The following ANO6 variants were observed in gnomAD, a reference collection of about 807,000 sequenced individuals.
ANO6 encodes the protein anoctamin-6.
In ANO6, 106 loss-of-function variants were observed where a neutral mutation model predicts 117.5. The observed-to-expected ratio is 0.90, with a 90% CI of 0.77 to 1.06. The LOEUF (loss-of-function observed/expected upper bound fraction) is 1.06. Among genes scored for constraint, ANO6 ranks in the 50% least tolerant of loss-of-function variants. The pLI is 0.00. For synonymous variants in ANO6, 367 were observed against 385.1 expected (o/e 0.95, Z 0.55); for missense variants, 955 against 1,121.1 (o/e 0.85, Z 2.12).
intron 2 of ANO6, among the ~76,000 whole-genome samples, chr12:45,314,174 A>G (rs886768129): frequency 7.2e-5 from 11 of 152,054 alleles, no homozygotes; most frequent in African/African-American, 2.7e-4. Context: ...CTGGCTGTGC[A>G]TCAGAATTAC....
chr12:45,396,952 C>CTT (rs1398588709), intron 12 of ANO6, among the ~76,000 whole-genome samples: 1 of 151,256 alleles, frequency 6.6e-6, no homozygotes, highest in African/African-American at 2.4e-5. Context: ...AAAGCAATAG[C>CTT]AACACCAAAA....
At chr12:45,230,252 G>A (rs1237307033) in intron 1 of ANO6, among the ~76,000 whole-genome samples, 1 of 151,918 alleles carries the variant, frequency 6.6e-6, no homozygotes, top group East Asian at 1.9e-4. Flanking sequence ...TTAAATCTAT[G>A]GGTAAATGAA....
intron 8 of ANO6, among the ~76,000 whole-genome samples, chr12:45,358,741 T>C (rs1303017100): frequency 6.6e-6 from 1 of 152,166 alleles, no homozygotes; most frequent in Admixed American, 6.5e-5. Flanking sequence ...TCAGTTACTT[T>C]TATAGTTTCT....
intron 9 of ANO6, among the ~76,000 whole-genome samples, chr12:45,374,847 T>C (rs1941957893): frequency 6.6e-6 from 1 of 152,212 alleles, no homozygotes; most frequent in Admixed American, 6.5e-5. Context: ...TTGGAAGTTC[T>C]GGCCAGGGCA....
At chr12:45,424,337 T>TG (rs1565773252) in intron 19 of ANO6, among the ~76,000 whole-genome samples, 4 of 123,034 alleles carry the variant, frequency 3.3e-5, no homozygotes, top group Admixed American at 8.0e-5. Flanking sequence ...GTTTTTTTTT[T>TG]TTTTTTTTTT....
intron 10 of ANO6, among the ~76,000 whole-genome samples, chr12:45,380,433 GGAACCA>G (rs1942139447): frequency 6.6e-6 from 1 of 152,164 alleles, no homozygotes; most frequent in Admixed American, 6.5e-5. Flanking sequence ...AAGGATCTGG[GGAACCA>G]GGAAGCCTAA....
rs142086291 is a variant in ANO6, at chr12:45,362,683, GTTTC to G, written c.999-5001_999-4998del. On this transcript the variant is annotated intron_variant, in intron 8 of 19. Coordinates refer to ENST00000320560, the MANE Select transcript of ANO6 (RefSeq NM_001025356.3). ...AGTATGCCATTTTAATTCCATTATT[GTTTC>G]TTTATCTTTTTTTAGTGGCTTCCCT... 1.5e-3 allele frequency among the ~76,000 whole-genome samples: 234 copies of G among 151,286 alleles called. 1 individual carries two copies. Among genetic ancestry groups the G allele is most frequent in the African/African-American group, 5.5e-3 (225 of 41,220 alleles).
chr12:45,256,707 A>C (rs1357866062), intron 1 of ANO6: 6 of 152,190 alleles, frequency 3.9e-5, no homozygotes, highest in African/African-American at 1.4e-4. Context: ...TGAACCTTTC[A>C]TTCCTCTTTT....
intron 1 of ANO6, among the ~76,000 whole-genome samples, chr12:45,230,753 G>GTGACCT (rs1947562263): frequency 6.6e-6 from 1 of 152,102 alleles, no homozygotes; most frequent in African/African-American, 2.4e-5. Flanking sequence ...AAAGTGTCTT[G>GTGACCT]TATTAAGGTC....
At position 45,315,562 on chromosome 12, in the gene ANO6, CA is replaced by C. The variant is rs553066075; in HGVS notation, c.150+13470del. 3.6e-4 allele frequency among the ~76,000 whole-genome samples: 55 copies of C among 152,130 alleles called. No homozygotes were observed. In the South Asian group the frequency reaches 0.011, roughly 31 times the overall value. On this transcript the variant is annotated intron_variant, in intron 2 of 19. Transcript: ENST00000320560. ...CGTTAGATTCCTCAGAGCTGAGCCC[CA>C]CTCATCTTTTCTCACTTACTCACTC...
intron 9 of ANO6, among the ~76,000 whole-genome samples, chr12:45,375,174 A>G (rs1237078234): frequency 6.6e-6 from 1 of 152,204 alleles, no homozygotes; most frequent in Non-Finnish European, 1.5e-5. Flanking sequence ...TTCAGGAAGA[A>G]CTACAAACCA....
At position 45,427,326 on chromosome 12, in the gene ANO6, G is replaced by T. The variant is rs138936496; in HGVS notation, c.2527-1779G>T. On this transcript the variant is annotated intron_variant, in intron 19 of 19. Transcript: ENST00000320560. Reference sequence around the variant, plus strand: ...GCCTCATGGATCCAGCCACGCCCCAGTGCCCCTCAGACATCACTTCTCTTC... The same window carrying T: ...GCCTCATGGATCCAGCCACGCCCCATTGCCCCTCAGACATCACTTCTCTTC... Among the ~76,000 whole-genome samples the T allele has an allele frequency of 8.5e-5, 13 of 152,180 alleles. No homozygotes were observed. The East Asian group carries it at 2.5e-3, about 30-fold the overall frequency.
In ANO6 at chr12:45,357,471, CATAAA is replaced by C. The variant is rs746806832; in HGVS notation, c.998+50_998+54del. On this transcript the variant is annotated intron_variant, in intron 8 of 19. Coordinates refer to ENST00000320560, the MANE Select transcript of ANO6 (RefSeq NM_001025356.3). ...TTGCCATGCTGAAAAGTTTATTAGACATAAAATTATTTTCATGGTCTTAAACTGTT... is the reference window on the plus strand; with the variant it reads ...TTGCCATGCTGAAAAGTTTATTAGACATTATTTTCATGGTCTTAAACTGTT... 13 of 1,608,078 alleles carry C rather than the reference CATAAA, an allele frequency of 8.1e-6. No individual in the cohort carries two copies. The Admixed American group carries it at 1.5e-4, about 19-fold the overall frequency.
In ANO6 at chr12:45,367,737, C is replaced by A. The variant is rs1237596463; in HGVS notation, c.1048C>A (p.Gln350Lys). Residue 350 changes from glutamine (Q) to lysine (K), a missense_variant, in exon 9 of 20, where the codon CAG becomes AAG. Gln to Lys is a moderately conservative substitution (Grantham distance 53, BLOSUM62 1). Coordinates refer to ENST00000320560, the MANE Select transcript of ANO6 (RefSeq NM_001025356.3). ...DIGGKIIMCP[Q>K]CDRLCPFWKL... ...TGGTGGCAAGATCATAATGTGTCCT[C>A]AGTGTGATAGGCTTTGTCCATTCTG... is the stretch of plus-strand genomic sequence containing the variant. The A allele has an allele frequency of 5.6e-6, 9 of 1,613,664 alleles. No individual in the cohort carries two copies. Among genetic ancestry groups the A allele is most frequent in the Non-Finnish European group, 6.8e-6 (8 of 1,179,862 alleles).
chr12:45,406,603 AAAG>A (rs1350484667), intron 15 of ANO6, among the ~76,000 whole-genome samples: 2 of 152,136 alleles, frequency 1.3e-5, no homozygotes, highest in African/African-American at 4.8e-5. Context: ...TAATAAGAAA[AAAG>A]AACTGTTTTA....
intron 1 of ANO6, among the ~76,000 whole-genome samples, chr12:45,297,104 T>A (rs1193678943): frequency 6.6e-6 from 1 of 152,172 alleles, no homozygotes. Flanking sequence ...GAATCAGAAC[T>A]TGAACCCAGT....
chr12:45,424,668 A>G (rs2137716592), intron 19 of ANO6, among the ~76,000 whole-genome samples: 1 of 152,186 alleles, frequency 6.6e-6, no homozygotes, highest in East Asian at 1.9e-4. Flanking sequence ...GCAGTGAGCA[A>G]TAAGCACTCT....
chr12:45,222,253 C>A (rs1000273291), intron 1 of ANO6, among the ~76,000 whole-genome samples: 1 of 151,890 alleles, frequency 6.6e-6, no homozygotes, highest in Non-Finnish European at 1.5e-5. Context: ...CTCCGCCTCC[C>A]GGGTTCAAGT....
chr12:45,347,960 A>T (rs1941181136), intron 4 of ANO6, 68 bp from the exon 5 acceptor site: 6 of 1,488,046 alleles, frequency 4.0e-6, no homozygotes, highest in Non-Finnish European at 5.6e-6. Flanking sequence ...ACATAAGAAA[A>T]ATCTATGTGT....
Sources: gnomAD v4.1 joint callset for allele counts (sites outside exome capture counted in the v4.1 genomes callset) on GRCh38, gnomAD v4.1.1 for gene constraint, MANE v1.5 for transcripts, NCBI Gene and HGNC (gene_info 2026-07-23, HGNC 2026-07-21) for gene names.